Variants in LIFR observed in about 807,000 individuals in gnomAD.
The protein encoded by LIFR is leukemia inhibitory factor receptor.
In LIFR, 84 loss-of-function variants were observed where a neutral mutation model predicts 122.2. The observed-to-expected ratio is 0.69, with a 90% CI of 0.58 to 0.82. LIFR has a LOEUF of 0.82. Ranked by LOEUF, LIFR falls within the 40% of genes least tolerant of loss-of-function variation. The pLI, the probability that LIFR is intolerant of heterozygous loss-of-function variation, is 0.00. For missense variants in LIFR, 1,294 were observed against 1,311.6 expected, an observed-to-expected ratio of 0.99 and a Z score of 0.21; for synonymous variants, 422 against 434.7, an observed-to-expected ratio of 0.97 and a Z score of 0.36.
chr5:38,571,785 T>C (rs192530537), intron 1 of LIFR, among the ~76,000 whole-genome samples: 37 of 152,340 alleles, frequency 2.4e-4, no homozygotes, highest in African/African-American at 7.9e-4. Context: ...ATGTGTCTTT[T>C]AGTGTGCTTC....
At chr5:38,572,439 A>T (rs1299577685) in intron 1 of LIFR, among the ~76,000 whole-genome samples, 3 of 152,210 alleles carry the variant, frequency 2.0e-5, no homozygotes, top group Admixed American at 6.5e-5. Context: ...ATTCATTCAT[A>T]TCCCACCAGG....
At chr5:38,566,840 GGTAA>G (rs1749041987) in intron 1 of LIFR, among the ~76,000 whole-genome samples, 1 of 151,932 alleles carries the variant, frequency 6.6e-6, no homozygotes, top group Non-Finnish European at 1.5e-5. Context: ...GTGATTCATT[GGTAA>G]GTGTTAAAAA....
rs755949819 is a variant in LIFR at position 38,489,041 on chromosome 5, C to T, written c.2335+37G>A. 17 of 1,582,348 alleles carry T rather than the reference C, an allele frequency of 1.1e-5. No homozygotes were observed. In the East Asian group the frequency reaches 2.5e-4, roughly 23 times the overall value. ...TTCTGTTGTGGTTAATGAGAAACTTCTAAGAAACACTTTCCTTGTGCTATC... is the reference window on the plus strand; with the variant it reads ...TTCTGTTGTGGTTAATGAGAAACTTTTAAGAAACACTTTCCTTGTGCTATC... On this transcript the variant is annotated intron_variant, in intron 16 of 19. Coordinates refer to ENST00000453190, the MANE Select transcript of LIFR (RefSeq NM_001127671.2).
chr5:38,560,429 G>A (rs1029174468), upstream of LIFR, among the ~76,000 whole-genome samples: 5 of 152,032 alleles, frequency 3.3e-5, no homozygotes, highest in Non-Finnish European at 5.9e-5. Context: ...TGAGAGACAT[G>A]AAAAATATGA....
chr5:38,532,271 G>A (rs1165781109), intron 1 of LIFR, among the ~76,000 whole-genome samples: 1 of 152,182 alleles, frequency 6.6e-6, no homozygotes, highest in Non-Finnish European at 1.5e-5. Context: ...AAAGAGCTCT[G>A]GACCAGGTGC....
At chr5:38,590,625 C>G (rs1323746109) in intron 1 of LIFR, among the ~76,000 whole-genome samples, 1 of 152,182 alleles carries the variant, frequency 6.6e-6, no homozygotes, top group East Asian at 1.9e-4. Context: ...CCACCGCCAC[C>G]ATCATCATCA....
intron 5 of LIFR, among the ~76,000 whole-genome samples, chr5:38,518,681 T>C (rs1746237171): frequency 6.6e-6 from 1 of 152,232 alleles, no homozygotes; most frequent in Non-Finnish European, 1.5e-5. Context: ...CTGGTGTATG[T>C]ATTTAGTGTA....
At chr5:38,490,093 T>C (rs1744499964) in intron 15 of LIFR, 97 bp downstream of exon 15, 1 of 502,212 alleles carries the variant, frequency 2.0e-6, no homozygotes, top group African/African-American at 2.0e-5. Flanking sequence ...CCTTCAATTA[T>C]ACATCTTATT....
At chr5:38,493,502 A>G (rs1402404203) in intron 14 of LIFR, 104 bp downstream of exon 14, 10 of 1,101,682 alleles carry the variant, frequency 9.1e-6, no homozygotes, top group Non-Finnish European at 1.4e-5. Context: ...ACCTATTTAT[A>G]CCCATCCAGC....
intron 11 of LIFR, among the ~76,000 whole-genome samples, chr5:38,501,125 T>A (rs896739622): frequency 2.6e-5 from 4 of 152,228 alleles, no homozygotes; most frequent in African/African-American, 9.6e-5. Flanking sequence ...AAGCTGCTCC[T>A]GGATTTTTAA....
Position 38,545,307 on chromosome 5 carries a change from T to C in LIFR, c.-20+11027A>G, listed in dbSNP as rs60365884. On this transcript the variant is annotated intron_variant, in intron 1 of 19. Coordinates refer to ENST00000453190, the MANE Select transcript of LIFR (RefSeq NM_001127671.2). ...AATTAAATCATGTTACAAGACAGAA[T>C]GTACATACGGTTTAACATATTTGGA... 4.3e-3 allele frequency among the ~76,000 whole-genome samples: 652 copies of C among 152,000 alleles called. 4 individuals carry two copies. Among genetic ancestry groups the C allele is most frequent in the African/African-American group, 0.015 (613 of 41,462 alleles).
At chr5:38,590,708 C>T (rs1749895502) in intron 1 of LIFR, among the ~76,000 whole-genome samples, 1 of 152,166 alleles carries the variant, frequency 6.6e-6, no homozygotes, top group Admixed American at 6.5e-5. Flanking sequence ...CAAGTATTAT[C>T]CCACTAAATT....
At chr5:38,535,227 C>G (rs1271071945) in intron 1 of LIFR, among the ~76,000 whole-genome samples, 2 of 152,186 alleles carry the variant, frequency 1.3e-5, no homozygotes, top group Admixed American at 1.3e-4. Context: ...CCCTTCAGGA[C>G]TCCTTAGGCC....
At chr5:38,542,255 A>G (rs1322296844) in intron 1 of LIFR, among the ~76,000 whole-genome samples, 2 of 152,222 alleles carry the variant, frequency 1.3e-5, no homozygotes, top group South Asian at 2.1e-4. Flanking sequence ...ACGTTTAGCA[A>G]CTTGAGGGTA....
At chr5:38,538,545 A>G (rs1450177494) in intron 1 of LIFR, among the ~76,000 whole-genome samples, 1 of 152,160 alleles carries the variant, frequency 6.6e-6, no homozygotes, top group Non-Finnish European at 1.5e-5. Flanking sequence ...GCTCTCTTGT[A>G]GCCCCGTCTT....
At position 38,499,124 on chromosome 5, in the gene LIFR, T is replaced by C. The variant is rs1007293862; in HGVS notation, c.1671+389A>G. Reference sequence around the variant, plus strand: ...TTATAACTGGCATGTTATAATGCAATTTATTGAAGGGAAATAAATTACACA... The same window carrying C: ...TTATAACTGGCATGTTATAATGCAACTTATTGAAGGGAAATAAATTACACA... On this transcript the variant is annotated intron_variant, in intron 12 of 19. Transcript: ENST00000453190. 3.3e-5 allele frequency among the ~76,000 whole-genome samples: 5 copies of C among 152,186 alleles called. No homozygotes were observed. In the East Asian group the frequency reaches 9.6e-4, roughly 29 times the overall value.
intron 1 of LIFR, among the ~76,000 whole-genome samples, chr5:38,577,490 C>A (rs996051459): frequency 6.6e-6 from 1 of 152,098 alleles, no homozygotes. Context: ...GCCTTGCCTG[C>A]CTAGTCTTCC....
At chr5:38,589,718 ATGTGTGTGTG>A (rs35505046) in intron 1 of LIFR, among the ~76,000 whole-genome samples, 3 of 146,186 alleles carry the variant, frequency 2.1e-5, no homozygotes, top group Non-Finnish European at 3.0e-5. Context: ...AGAGAAGAAA[ATGTGTGTGTG>A]TGTGTGTGTG....
chr5:38,496,710 G>A lies in LIFR; in HGVS notation c.1672-115C>T, dbSNP rs527882455. ...ACAATAACAAGGTTGGCCAGGCGTG[G>A]TGACTCACGCTTATAATTCCAGCAC... On this transcript the variant is annotated intron_variant, in intron 12 of 19. Coordinates refer to ENST00000453190, the MANE Select transcript of LIFR (RefSeq NM_001127671.2). The A allele has an allele frequency of 6.5e-6, 5 of 772,484 alleles. No homozygotes were observed. In the African/African-American group the frequency reaches 6.9e-5, roughly 11 times the overall value. The allele number at this position is 772,484 out of a possible 1,614,324, so 47.9% of individuals were successfully genotyped here.
Sources: allele counts gnomAD v4.1 joint callset (sites outside exome capture counted in the v4.1 genomes callset), GRCh38; gene constraint gnomAD v4.1.1; transcripts MANE v1.5; gene names NCBI Gene and HGNC (gene_info 2026-07-23, HGNC 2026-07-21).